Variants in ARHGAP20 observed in about 807,000 individuals in gnomAD.
ARHGAP20 encodes Rho GTPase activating protein 20, also known as rho GTPase-activating protein 20.
In ARHGAP20, 34 loss-of-function variants were observed where a neutral mutation model predicts 73.7. The ratio of observed to expected loss-of-function variants is 0.46; its 90% CI spans 0.35 to 0.61. ARHGAP20 has a LOEUF of 0.61. Among genes scored for constraint, ARHGAP20 ranks in the 20% least tolerant of loss-of-function variants. The probability of loss-of-function intolerance (pLI) is 0.00; values close to 1 mark genes in which losing one functional copy is unlikely to be tolerated. For missense variants in ARHGAP20, 1,314 were observed against 1,420.9 expected (o/e 0.92, Z 1.21); for synonymous variants, 523 against 518.2 (o/e 1.01, Z -0.13).
chr11:110,668,144 C>T lies in ARHGAP20; in HGVS notation c.188+22403G>A, dbSNP rs566729003. On this transcript the variant is annotated intron_variant, in intron 2 of 14. Transcript: ENST00000683387. ...TATTGCATGCTACAGAAAAATCTTC[C>T]GTGAAAGAAAGTCAATGTCTCAAAT... is the stretch of plus-strand genomic sequence containing the variant. Among the ~76,000 whole-genome samples, 14 of 152,162 alleles carry T rather than the reference C, an allele frequency of 9.2e-5. No homozygotes were observed. The South Asian group carries it at 1.5e-3, about 16-fold the overall frequency.
chr11:110,648,707 T>C (rs548475100), intron 2 of ARHGAP20, among the ~76,000 whole-genome samples: 1 of 152,182 alleles, frequency 6.6e-6, no homozygotes, highest in East Asian at 1.9e-4. Flanking sequence ...GGTCTTGAAC[T>C]CCTGACCTCG....
intron 2 of ARHGAP20, among the ~76,000 whole-genome samples, chr11:110,662,153 A>C (rs1204707023): frequency 1.3e-5 from 2 of 151,854 alleles, no homozygotes; most frequent in African/African-American, 4.8e-5. Flanking sequence ...ATATATATAA[A>C]ATTCATAGTT....
chr11:110,657,311 A>T (rs1949488034), intron 2 of ARHGAP20, among the ~76,000 whole-genome samples: 1 of 152,188 alleles, frequency 6.6e-6, no homozygotes, highest in Non-Finnish European at 1.5e-5. Flanking sequence ...AGGACAAGAG[A>T]ATAAGAAACT....
intron 2 of ARHGAP20, among the ~76,000 whole-genome samples, chr11:110,671,058 A>G (rs1292619695): frequency 6.6e-6 from 1 of 152,136 alleles, no homozygotes; most frequent in African/African-American, 2.4e-5. Flanking sequence ...TTTATTAGTT[A>G]TAACAAGTAT....
rs376248220 is a variant in ARHGAP20 at position 110,700,565 on chromosome 11, C to CT, written c.106-9937dup. Among the ~76,000 whole-genome samples the CT allele has an allele frequency of 4.9e-3, 731 of 149,280 alleles. 3 individuals are homozygous for CT. Among genetic ancestry groups the CT allele is most frequent in the African/African-American group, 0.016 (639 of 40,848 alleles). On this transcript the variant is annotated intron_variant, in intron 1 of 14. Coordinates refer to ENST00000683387, the MANE Select transcript of ARHGAP20 (RefSeq NM_001384657.1). Reference sequence around the variant, plus strand: ...GCTCTGTAAGGGAAAAAGATAATTACTTTTTTTTTTCTTTCTTTTTTATTT... The same window carrying CT: ...GCTCTGTAAGGGAAAAAGATAATTACTTTTTTTTTTTCTTTCTTTTTTATTT...
intron 2 of ARHGAP20, among the ~76,000 whole-genome samples, chr11:110,638,152 A>C (rs1028407195): frequency 1.2e-4 from 19 of 152,232 alleles, no homozygotes; most frequent in African/African-American, 4.6e-4. Context: ...CTATGACACC[A>C]TAAGTACAAA....
Position 110,592,123 on chromosome 11 carries a change from A to G in ARHGAP20, c.997T>C (p.Ser333Pro). 6.2e-7 allele frequency: 1 copy of G among 1,614,064 alleles called. No individual in the cohort carries two copies. Among genetic ancestry groups the G allele is most frequent in the Non-Finnish European group, 8.5e-7 (1 of 1,179,962 alleles). Residue 333 changes from serine to proline, a missense_variant, in exon 10 of 15, where the codon TCT (serine) becomes CCT (proline). Around this residue, in one of 3 missense-constraint regions of ARHGAP20, gnomAD observed 443 missense variants for 466.4 expected, o/e 0.95. Transcript: ENST00000683387. Reference protein sequence around the residue: ...SGHKTFKRRRSIINWAFWRGS... With the variant: ...SGHKTFKRRRPIINWAFWRGS... ...CGCCAGAAGGCCCAGTTTATGATAG[A>G]TCTTCTCCTTTTAAATGTCTTATGA...
intron 9 of ARHGAP20, among the ~76,000 whole-genome samples, chr11:110,596,706 G>T (rs1257951798): frequency 6.6e-6 from 1 of 152,140 alleles, no homozygotes; most frequent in Admixed American, 6.5e-5. Context: ...CTGTAAACTA[G>T]TTCAACCATT....
chr11:110,672,688 C>T (rs1949853425), intron 2 of ARHGAP20, among the ~76,000 whole-genome samples: 1 of 152,108 alleles, frequency 6.6e-6, no homozygotes, highest in Admixed American at 6.6e-5. Flanking sequence ...GGTGTCAAGC[C>T]AAAATGTTGG....
At chr11:110,673,806 A>T (rs545224542) in intron 2 of ARHGAP20, among the ~76,000 whole-genome samples, 1 of 152,340 alleles carries the variant, frequency 6.6e-6, no homozygotes, top group East Asian at 1.9e-4. Context: ...TCCTTGGTAC[A>T]GTCTTTATCT....
At chr11:110,696,610 T>C (rs1166936587) in intron 1 of ARHGAP20, among the ~76,000 whole-genome samples, 2 of 151,634 alleles carry the variant, frequency 1.3e-5, no homozygotes, top group African/African-American at 4.8e-5. Context: ...TGCATGTGCA[T>C]GTTTGCTACA....
chr11:110,648,226 TATATATATATGTAAATATATATATGTAA>T (rs1158352483), intron 2 of ARHGAP20, among the ~76,000 whole-genome samples: 14 of 79,336 alleles, frequency 1.8e-4, no homozygotes, highest in Middle Eastern at 7.1e-3. Flanking sequence ...TATATGTATA[TATATATATATGTAAATATATATATGTAA>T]ATATATATAT....
At chr11:110,590,452 TATC>T (rs1197119832) in intron 11 of ARHGAP20, among the ~76,000 whole-genome samples, 193 bp downstream of exon 11, 2 of 152,342 alleles carry the variant, frequency 1.3e-5, no homozygotes, top group African/African-American at 4.8e-5. Flanking sequence ...TGATATGTCA[TATC>T]ATCAGTGGTA....
At chr11:110,711,717 A>T in intron 1 of ARHGAP20, 1 of 1,412,220 alleles carries the variant, frequency 7.1e-7, no homozygotes, top group Non-Finnish European at 9.2e-7. Flanking sequence ...TTTGGGGCTG[A>T]CACCGCCAAA....
At chr11:110,624,845 C>T (rs1301750927) in intron 3 of ARHGAP20, among the ~76,000 whole-genome samples, 2 of 152,138 alleles carry the variant, frequency 1.3e-5, no homozygotes, top group East Asian at 3.9e-4. Flanking sequence ...AAGAAATAGG[C>T]ATAAACTGGC....
intron 10 of ARHGAP20, among the ~76,000 whole-genome samples, chr11:110,591,184 C>T (rs1947820186): frequency 6.6e-6 from 1 of 152,142 alleles, no homozygotes; most frequent in Non-Finnish European, 1.5e-5. Context: ...TCACTACGTC[C>T]TGCTTACAGT....
chr11:110,669,029 A>T (rs1394308087), intron 2 of ARHGAP20, among the ~76,000 whole-genome samples: 1 of 152,182 alleles, frequency 6.6e-6, no homozygotes, highest in African/African-American at 2.4e-5. Flanking sequence ...TCTAAAAGAA[A>T]ACATAGAAGG....
chr11:110,600,710 C>T (rs1304002968), intron 9 of ARHGAP20, among the ~76,000 whole-genome samples: 1 of 133,974 alleles, frequency 7.5e-6, no homozygotes, highest in Non-Finnish European at 1.8e-5. Flanking sequence ...ATAACAGTAA[C>T]AGTAACCTGT....
chr11:110,664,367 TAC>T (rs779307199), intron 2 of ARHGAP20, among the ~76,000 whole-genome samples: 11 of 151,996 alleles, frequency 7.2e-5, no homozygotes, highest in Non-Finnish European at 1.2e-4. Context: ...TATATACACA[TAC>T]ACAAACACAC....
Sources: allele counts gnomAD v4.1 joint callset (sites outside exome capture counted in the v4.1 genomes callset), GRCh38; gene constraint gnomAD v4.1.1; regional missense constraint gnomAD v4.1.1; transcripts MANE v1.5; gene names NCBI Gene and HGNC (gene_info 2026-07-23, HGNC 2026-07-21).